Variants in NR2C2 observed in about 807,000 individuals in gnomAD.
NR2C2 encodes Nuclear hormone receptor TR4.
In NR2C2, 6 loss-of-function variants were observed where a neutral mutation model predicts 62.9. That is an observed-to-expected ratio of 0.10 (90% CI 0.05 to 0.19). The LOEUF is 0.19. Ranked by LOEUF, NR2C2 falls within the 10% of genes least tolerant of loss-of-function variation. NR2C2 has a pLI of 1.00. For synonymous variants in NR2C2, 272 were observed against 273.8 expected (o/e 0.99, Z 0.07); for missense variants, 479 against 762.7 (o/e 0.63, Z 4.38).
intron 1 of NR2C2, among the ~76,000 whole-genome samples, chr3:14,990,412 C>T (rs992999556): frequency 6.6e-6 from 1 of 152,222 alleles, no homozygotes; most frequent in Non-Finnish European, 1.5e-5. Context: ...CAAACTGTTT[C>T]AGCAGCTGGC....
chr3:14,951,710 C>T (rs2125206226), intron 1 of NR2C2, among the ~76,000 whole-genome samples: 1 of 152,142 alleles, frequency 6.6e-6, no homozygotes, highest in South Asian at 2.1e-4. Flanking sequence ...CTGTGCGTAA[C>T]AACCTCCTCA....
At chr3:14,953,475 C>G (rs539102690) in intron 1 of NR2C2, among the ~76,000 whole-genome samples, 2 of 152,302 alleles carry the variant, frequency 1.3e-5, no homozygotes, top group South Asian at 4.1e-4. Context: ...GGGCTAGACT[C>G]AAGCCTGAAG....
intron 7 of NR2C2, chr3:15,025,866 A>G (rs2041809174): frequency 6.6e-6 from 1 of 152,204 alleles, no homozygotes; most frequent in South Asian, 2.1e-4. Context: ...AGGATCTTAC[A>G]GTAGCTGCAC....
chr3:14,968,197 A>G (rs942324847), intron 1 of NR2C2, among the ~76,000 whole-genome samples: 23 of 152,350 alleles, frequency 1.5e-4, no homozygotes, highest in African/African-American at 5.3e-4. Flanking sequence ...CAGAGTGAAC[A>G]GGCAACCTAC....
chr3:14,981,030 A>G (rs929207773), intron 1 of NR2C2, among the ~76,000 whole-genome samples: 7 of 152,268 alleles, frequency 4.6e-5, no homozygotes, highest in African/African-American at 1.7e-4. Context: ...CACTGGCATC[A>G]GGTCTCTATT....
At position 15,021,663 on chromosome 3, in the gene NR2C2, A is replaced by G. The variant is rs146364802; in HGVS notation, c.556+731A>G. Among the ~76,000 whole-genome samples the G allele has an allele frequency of 2.0e-4, 30 of 152,328 alleles. No homozygotes were observed. The East Asian group carries it at 5.4e-3, about 27-fold the overall frequency. On this transcript the variant is annotated intron_variant, in intron 5 of 13. Transcript: ENST00000425241. ...GTAGGAAAATGGAGCTTAGCAGAGC[A>G]AGGCATGCAACTTGCATGCAACTTG...
chr3:14,956,117 G>A (rs1157645376), intron 1 of NR2C2, among the ~76,000 whole-genome samples: 1 of 152,164 alleles, frequency 6.6e-6, no homozygotes, highest in African/African-American at 2.4e-5. Context: ...CCATTGACAG[G>A]AAGTATACCT....
Position 15,043,516 on chromosome 3 carries a change from C to G in NR2C2, c.*508C>G, listed in dbSNP as rs534155394. On this transcript the variant is annotated 3_prime_UTR_variant, in exon 14 of 14. Transcript: ENST00000425241. ...ACTGTGTATGTCTTTTGCCGAAATG[C>G]TAATGATTTCTGTGAAAACTCACTA... 2.6e-5 allele frequency: 4 copies of G among 152,838 alleles called. No homozygotes were observed. Among genetic ancestry groups the G allele is most frequent in the African/African-American group, 9.6e-5 (4 of 41,594 alleles). 9.5% of individuals were successfully genotyped at this position (152,838 alleles called of 1,614,324 possible).
intron 1 of NR2C2, among the ~76,000 whole-genome samples, chr3:14,990,775 A>T (rs1465618792): frequency 1.3e-5 from 2 of 152,238 alleles, no homozygotes; most frequent in African/African-American, 4.8e-5. Context: ...CTTGTAATGC[A>T]ATGTATTTCA....
chr3:14,952,040 C>T (rs561988090), intron 1 of NR2C2, among the ~76,000 whole-genome samples: 1 of 152,340 alleles, frequency 6.6e-6, no homozygotes, highest in Admixed American at 6.5e-5. Context: ...GCCACTGCGC[C>T]CAGCAACTGG....
intron 1 of NR2C2, among the ~76,000 whole-genome samples, chr3:14,977,459 C>T (rs1168236317): frequency 6.6e-6 from 1 of 151,874 alleles, no homozygotes; most frequent in East Asian, 1.9e-4. Context: ...GGAACTCTTT[C>T]TCCCTCTATT....
chr3:14,948,187 C>G (rs1050199838), intron 1 of NR2C2: 3 of 152,630 alleles, frequency 2.0e-5, no homozygotes, highest in African/African-American at 7.2e-5. Context: ...ATAGTTGGCC[C>G]TCCGCCAGCG....
chr3:15,023,107 C>T, intron 5 of NR2C2, 93 bp from the exon 6 acceptor site: 1 of 1,392,146 alleles, frequency 7.2e-7, no homozygotes. Context: ...CCAGAGTCAT[C>T]CTCCCTGCAG....
rs1486815827 is a variant in NR2C2, at chr3:15,038,099, A to G, written c.1472A>G (p.Glu491Gly). 6.2e-7 allele frequency: 1 copy of G among 1,614,110 alleles called. No homozygotes were observed. The highest frequency in any genetic ancestry group is 8.5e-7 in the Non-Finnish European group (1 of 1,180,010). The change falls in exon 12 of 14, where the codon GAG (glutamate) becomes GGG (glycine). Residue 491 changes from glutamate (E) to glycine (G), a missense_variant. This residue lies in a region of NR2C2 where 162 missense variants were observed against 296.8 expected (regional missense o/e 0.55). Transcript: ENST00000425241. The stretch of plus-strand genomic sequence containing the variant: ...GCGAAGCTGGATATAGATGGCTATG[A>G]GTATGCATACCTTAAAGCTATAGTT... ...SMAKLDIDGY[E>G]YAYLKAIVLF...
intron 7 of NR2C2, chr3:15,025,865 C>A (rs1172397494): frequency 6.6e-6 from 1 of 152,244 alleles, no homozygotes; most frequent in Non-Finnish European, 1.5e-5. Context: ...GAGGATCTTA[C>A]AGTAGCTGCA....
intron 1 of NR2C2, among the ~76,000 whole-genome samples, chr3:14,951,702 G>A (rs552596913): frequency 1.3e-5 from 2 of 151,972 alleles, no homozygotes; most frequent in South Asian, 4.2e-4. Context: ...GAAAATCCCT[G>A]TGCGTAACAA....
At chr3:14,987,203 C>T (rs1017419006) in intron 1 of NR2C2, among the ~76,000 whole-genome samples, 1 of 152,206 alleles carries the variant, frequency 6.6e-6, no homozygotes, top group Non-Finnish European at 1.5e-5. Context: ...CCACCTCAGC[C>T]TCCCAAGTAG....
chr3:15,033,664 T>TTA (rs71045128), intron 10 of NR2C2, among the ~76,000 whole-genome samples: 21 of 145,350 alleles, frequency 1.4e-4, no homozygotes, highest in Non-Finnish European at 2.4e-4. Flanking sequence ...TTTTTTTTTT[T>TTA]AAATAACACC....
chr3:15,001,699 C>T (rs899092183), intron 1 of NR2C2, among the ~76,000 whole-genome samples: 8 of 152,114 alleles, frequency 5.3e-5, no homozygotes, highest in African/African-American at 1.9e-4. Context: ...TCACTGCAAC[C>T]TAGAACAACT....
Sources: gnomAD v4.1 joint callset for allele counts (sites outside exome capture counted in the v4.1 genomes callset) on GRCh38, gnomAD v4.1.1 for gene constraint, gnomAD v4.1.1 regional missense constraint, MANE v1.5 for transcripts, NCBI Gene and HGNC (gene_info 2026-07-23, HGNC 2026-07-21) for gene names.